AJUBA: variants seen among roughly 807,000 people sequenced by gnomAD.
AJUBA encodes the protein LIM domain-containing protein ajuba.
In AJUBA, 20 loss-of-function variants were observed where a neutral mutation model predicts 53.3. The observed-to-expected ratio is 0.38, with a 90% confidence interval of 0.26 to 0.55. The LOEUF is 0.55. Ranked by LOEUF, AJUBA falls within the 20% of genes least tolerant of loss-of-function variation. AJUBA has a pLI of 0.80. For synonymous variants in AJUBA, 296 were observed against 306.2 expected (o/e 0.97, Z 0.35); for missense variants, 580 against 730.5 (o/e 0.79, Z 2.38).
At chr14:22,974,941 A>G (rs1192954456) in intron 5 of AJUBA, 33 bp downstream of exon 5, 3 of 1,613,894 alleles carry the variant, frequency 1.9e-6, no homozygotes, top group Admixed American at 3.3e-5. Flanking sequence ...CCCTGGACCC[A>G]GTTCCACACT....
Position 22,982,021 on chromosome 14 carries a change from C to T in AJUBA, c.246G>A (p.Ala82=). The stretch of plus-strand genomic sequence containing the variant: ...CGGGAAAAGAGCCTTCGTAGCGCGG[C>T]GCCTCAAAGGAGCCGCGCTGATTTC... ...AERNQRGSFE[A]PRYEGSFPAG... is the part of the protein sequence containing the mutation. Residue 82 remains alanine (A), a synonymous_variant, in exon 1 of 8, where the codon GCG becomes GCA. Coordinates refer to ENST00000262713, the MANE Select transcript of AJUBA (RefSeq NM_032876.6). The T allele has an allele frequency of 6.3e-7, 1 of 1,583,474 alleles. No homozygotes were observed. The highest frequency in any genetic ancestry group is 8.5e-7 in the Non-Finnish European group (1 of 1,170,240).
Position 22,981,932 on chromosome 14 carries a change from T to G in AJUBA, c.335A>C (p.Glu112Ala). The stretch of plus-strand genomic sequence containing the variant: ...GGGGCTGAGGGCCGGGGCCGTGGGC[T>G]CCAGCCGAAAATCGGGGGGCAACGA... ...PQSLPPDFRL[E>A]PTAPALSPRS... is the part of the protein sequence containing the mutation. Residue 112 changes from glutamate to alanine, a missense_variant, in exon 1 of 8, where the codon GAG (glutamate) becomes GCG (alanine). Glu to Ala is a moderately radical substitution (Grantham distance 107). Transcript: ENST00000262713. 1 of 1,560,202 alleles carries G rather than the reference T, an allele frequency of 6.4e-7. No homozygotes were observed. Among genetic ancestry groups the G allele is most frequent in the Non-Finnish European group, 8.6e-7 (1 of 1,158,624 alleles).
chr14:22,973,250 G>C lies in AJUBA; in HGVS notation c.*193C>G, dbSNP rs1014955581. On this transcript the variant is annotated 3_prime_UTR_variant, in exon 8 of 8. Coordinates refer to ENST00000262713, the MANE Select transcript of AJUBA (RefSeq NM_032876.6). ...GAAAAAGGCCAGTCGCCCCCACCCT[G>C]GTAAATATAAGGTTTCTCTTCCACA... 20 of 870,040 alleles carry C rather than the reference G, an allele frequency of 2.3e-5. No homozygotes were observed. Among genetic ancestry groups the C allele is most frequent in the Non-Finnish European group, 3.4e-5 (20 of 585,832 alleles). 53.9% of individuals were successfully genotyped at this position (870,040 alleles called of 1,614,324 possible).
In AJUBA at chr14:22,982,289, G is replaced by A. The variant is rs763320568; in HGVS notation, c.-23C>T. The A allele has an allele frequency of 6.2e-7, 1 of 1,607,788 alleles. No individual in the cohort carries two copies. Among genetic ancestry groups the A allele is most frequent in the Non-Finnish European group, 8.5e-7 (1 of 1,178,104 alleles). On this transcript the variant is annotated 5_prime_UTR_variant, in exon 1 of 8. Transcript: ENST00000262713. ...CATGCCCTCGGGCCTGGGGCCTCTC[G>A]CCCCCTCCCCGCCTGGCACCCTGCG...
At position 22,976,601 on chromosome 14, in the gene AJUBA, G is replaced by A. The variant is rs200978900; in HGVS notation, c.1176+44C>T. On this transcript the variant is annotated intron_variant, in intron 3 of 7. Coordinates refer to ENST00000262713, the MANE Select transcript of AJUBA (RefSeq NM_032876.6). ...ACTCCAATGGGCCACCAAGAAGGGGGTCAGTATGGAAACCAATTCCAGGTC... is the reference window on the plus strand; with the variant it reads ...ACTCCAATGGGCCACCAAGAAGGGGATCAGTATGGAAACCAATTCCAGGTC... The A allele has an allele frequency of 8.1e-6, 13 of 1,612,906 alleles. No homozygotes were observed. The African/African-American group carries it at 1.7e-4, about 22-fold the overall frequency.
At position 22,982,124 on chromosome 14, in the gene AJUBA, C is replaced by T; in HGVS notation, c.143G>A (p.Gly48Glu). 1 of 1,603,464 alleles carries T rather than the reference C, an allele frequency of 6.2e-7. No individual in the cohort carries two copies. Among genetic ancestry groups the T allele is most frequent in the South Asian group, 1.1e-5 (1 of 89,900 alleles). The change falls in exon 1 of 8, where the codon GGG becomes GAG. Residue 48 changes from glycine (G) to glutamate (E), a missense_variant. Physicochemically the swap from Gly to Glu is moderately conservative, Grantham distance 98. Around this residue, in one of 2 missense-constraint regions of AJUBA, gnomAD observed 430 missense variants for 471.5 expected, o/e 0.91. Transcript: ENST00000262713. ...LSGLGGPRKS[G>E]PRGATGGPGD... is the part of the protein sequence containing the mutation. ...AGGTCCCCCAGTAGCTCCTCGGGGC[C>T]CTGACTTCCTAGGTCCCCCCAACCC...
At chr14:22,978,719 G>A (rs2139353951) in intron 1 of AJUBA, 1 of 1,246,520 alleles carries the variant, frequency 8.0e-7, no homozygotes, top group African/African-American at 1.5e-5. Flanking sequence ...GAAAGTCGAA[G>A]ATATGGTCCC....
Position 22,974,583 on chromosome 14 carries a change from C to T in AJUBA, c.1422+256G>A, listed in dbSNP as rs1189634166. 11 of 499,608 alleles carry T rather than the reference C, an allele frequency of 2.2e-5. No homozygotes were observed. Among genetic ancestry groups the T allele is most frequent in the African/African-American group, 7.7e-5 (4 of 52,162 alleles). 30.9% of individuals were successfully genotyped at this position (499,608 alleles called of 1,614,324 possible). On this transcript the variant is annotated intron_variant, in intron 6 of 7. Coordinates refer to ENST00000262713, the MANE Select transcript of AJUBA (RefSeq NM_032876.6). The stretch of plus-strand genomic sequence containing the variant: ...CCCTACATCTGCAGTCTGGTGACCT[C>T]GACCTCAAAGAAAGTCTCCTCCTCT...
chr14:22,971,229 G>T lies in AJUBA; in HGVS notation c.*2214C>A, dbSNP rs968926754. 2.0e-5 allele frequency: 3 copies of T among 151,854 alleles called. No homozygotes were observed. Among genetic ancestry groups the T allele is most frequent in the Non-Finnish European group, 4.4e-5 (3 of 68,012 alleles). The allele number at this position is 151,854 out of a possible 1,614,324, so 9.4% of individuals were successfully genotyped here. A position where few individuals can be genotyped will look rare whatever the true frequency, so the allele number is the denominator to read the frequency against. Reference sequence around the variant, plus strand: ...TATTCACTTATTTAATAATAGTTCAGAAGAAGCTATCTCAGCTGTACAAGA... The same window carrying T: ...TATTCACTTATTTAATAATAGTTCATAAGAAGCTATCTCAGCTGTACAAGA... On this transcript the variant is annotated 3_prime_UTR_variant, in exon 8 of 8. Transcript: ENST00000262713.
intron 1 of AJUBA, chr14:22,980,606 G>C: frequency 1.0e-6 from 1 of 985,388 alleles, no homozygotes; most frequent in Middle Eastern, 5.2e-4. Context: ...CACGCACCTA[G>C]CCAACAGGAC....
At chr14:22,980,015 G>T (rs780332996) in intron 1 of AJUBA, among the ~76,000 whole-genome samples, 1 of 151,716 alleles carries the variant, frequency 6.6e-6, no homozygotes, top group Non-Finnish European at 1.5e-5. Flanking sequence ...GGAGGCTGGG[G>T]GTTGAGTTAT....
Position 22,973,218 on chromosome 14 carries a change from C to G in AJUBA, c.*225G>C. ...TGTGTGTGCCTAAGCTCAGACTGCACACATGGGAAAAAGGCCAGTCGCCCC... is the reference window on the plus strand; with the variant it reads ...TGTGTGTGCCTAAGCTCAGACTGCAGACATGGGAAAAAGGCCAGTCGCCCC... On this transcript the variant is annotated 3_prime_UTR_variant, in exon 8 of 8. Transcript: ENST00000262713. The G allele has an allele frequency of 1.6e-6, 1 of 616,152 alleles. No individual in the cohort carries two copies. Among genetic ancestry groups the G allele is most frequent in the Non-Finnish European group, 2.8e-6 (1 of 362,806 alleles). The allele number at this position is 616,152 out of a possible 1,614,324, so 38.2% of individuals were successfully genotyped here.
chr14:22,980,991 C>CA (rs2139357466), intron 1 of AJUBA, among the ~76,000 whole-genome samples: 1 of 152,116 alleles, frequency 6.6e-6, no homozygotes, highest in Non-Finnish European at 1.5e-5. Flanking sequence ...CCTCCTGCCG[C>CA]AAAAAACCGA....
chr14:22,980,724 C>T, intron 1 of AJUBA: 3 of 977,180 alleles, frequency 3.1e-6, no homozygotes, highest in Non-Finnish European at 2.4e-6. Context: ...TCCCCCGATC[C>T]CCGAACCCCA....
Position 22,977,015 on chromosome 14 carries a change from C to G in AJUBA, c.1109-303G>C, listed in dbSNP as rs971744481. On this transcript the variant is annotated intron_variant, in intron 2 of 7. Coordinates refer to ENST00000262713, the MANE Select transcript of AJUBA (RefSeq NM_032876.6). ...TTCCTCTCCAGTGCATAGGAAGCCA[C>G]CTGGGAGAGTAAAGCCAACTACGTG... is the stretch of plus-strand genomic sequence containing the variant. 30 of 1,267,054 alleles carry G rather than the reference C, an allele frequency of 2.4e-5. No individual in the cohort carries two copies. The African/African-American group carries it at 4.2e-4, about 18-fold the overall frequency. 78.5% of individuals were successfully genotyped at this position (1,267,054 alleles called of 1,614,324 possible). A position where few individuals can be genotyped will look rare whatever the true frequency, so the allele number is the denominator to read the frequency against.
At chr14:22,973,967 G>A (rs746625929) in intron 7 of AJUBA, 80 bp downstream of exon 7, 9 of 1,509,384 alleles carry the variant, frequency 6.0e-6, no homozygotes, top group Non-Finnish European at 8.3e-6. Flanking sequence ...TCCCATAGAT[G>A]TCTGGTTGTT....
At chr14:22,980,289 A>T (rs2045074918) in intron 1 of AJUBA, among the ~76,000 whole-genome samples, 1 of 152,238 alleles carries the variant, frequency 6.6e-6, no homozygotes, top group Admixed American at 6.5e-5. Context: ...TTTGACTAAA[A>T]GATCTTTCAA....
Position 22,979,125 on chromosome 14 carries a change from G to A in AJUBA, c.1007-680C>T. 1.6e-6 allele frequency: 2 copies of A among 1,261,606 alleles called. No homozygotes were observed. The highest frequency in any genetic ancestry group is 2.6e-5 in the South Asian group (2 of 76,578). The allele number at this position is 1,261,606 out of a possible 1,614,324, so 78.2% of individuals were successfully genotyped here. A position where few individuals can be genotyped will look rare whatever the true frequency, so the allele number is the denominator to read the frequency against. On this transcript the variant is annotated intron_variant, in intron 1 of 7. Transcript: ENST00000262713. The surrounding 1 kb of genome is among the most constrained non-coding windows in gnomAD (Gnocchi z 4.0). ...CAGGGAGAGTAGCAGAGCCCCTGATGCCTCCTAGTCACCTTCTATCATGGG... is the reference window on the plus strand; with the variant it reads ...CAGGGAGAGTAGCAGAGCCCCTGATACCTCCTAGTCACCTTCTATCATGGG...
rs1452861614 is a variant in AJUBA at position 22,981,302 on chromosome 14, C to G, written c.965G>C (p.Arg322Pro). 2 of 1,611,494 alleles carry G rather than the reference C, an allele frequency of 1.2e-6. No homozygotes were observed. Among genetic ancestry groups the G allele is most frequent in the African/African-American group, 2.7e-5 (2 of 74,890 alleles). ...PPGPFVPEAA[R>P]ARMREPEARE... is the part of the protein sequence containing the mutation. ...GGCCTCTGGCTCCCGCATCCGGGCC[C>G]GGGCGGCCTCCGGAACGAAAGGACC... is the stretch of plus-strand genomic sequence containing the variant. Residue 322 changes from arginine (R) to proline (P), a missense_variant, in exon 1 of 8, where the codon CGG becomes CCG. This residue lies in a region of AJUBA where 430 missense variants were observed against 471.5 expected (regional missense o/e 0.91). Coordinates refer to ENST00000262713, the MANE Select transcript of AJUBA (RefSeq NM_032876.6).
Sources: gnomAD v4.1 joint callset for allele counts (sites outside exome capture counted in the v4.1 genomes callset) on GRCh38, gnomAD v4.1.1 for gene constraint, gnomAD v4.1.1 regional missense constraint, Gnocchi (gnomAD v3.1) non-coding constraint, MANE v1.5 for transcripts, NCBI Gene and HGNC (gene_info 2026-07-23, HGNC 2026-07-21) for gene names.